PCED1B: variants seen among roughly 807,000 people sequenced by gnomAD.
The protein encoded by PCED1B is PC-esterase domain containing 1B, also known as PC-esterase domain-containing protein 1B.
For missense variants in PCED1B, 573 were observed against 573.9 expected, an observed-to-expected ratio of 1.00 and a Z score of 0.02; for synonymous variants, 251 against 246.1, an observed-to-expected ratio of 1.02 and a Z score of -0.19.
intron 1 of PCED1B, among the ~76,000 whole-genome samples, chr12:47,085,204 G>T (rs753804149): frequency 6.6e-6 from 1 of 152,214 alleles, no homozygotes; most frequent in Non-Finnish European, 1.5e-5. Flanking sequence ...AATTGAGGAT[G>T]TAACAATTGA....
intron 2 of PCED1B, among the ~76,000 whole-genome samples, chr12:47,162,435 G>C (rs1045942960): frequency 6.6e-6 from 1 of 152,082 alleles, no homozygotes; most frequent in Non-Finnish European, 1.5e-5. Flanking sequence ...TCACAGTTCT[G>C]CAGTGTGTAC....
Position 47,236,008 on chromosome 12 carries a change from C to T in PCED1B, c.945C>T (p.Leu315=), listed in dbSNP as rs1251663150. ...CCCAGCGCTTGCCGCTGCTCCCGCT[C>T]CTGTCCCCACAGCCTCCTCCTCCCA... is the stretch of plus-strand genomic sequence containing the variant. ...FPPQRLPLLP[L]LSPQPPPPIL... is the part of the protein sequence containing the mutation. Residue 315 remains leucine, a synonymous_variant, in exon 4 of 4, where the codon CTC becomes CTT. Transcript: ENST00000546455. The T allele has an allele frequency of 4.3e-6, 7 of 1,613,352 alleles. No homozygotes were observed. Among genetic ancestry groups the T allele is most frequent in the African/African-American group, 2.7e-5 (2 of 74,774 alleles).
chr12:47,090,401 A>G (rs987400788), intron 1 of PCED1B, among the ~76,000 whole-genome samples: 17 of 152,216 alleles, frequency 1.1e-4, no homozygotes, highest in African/African-American at 3.6e-4. Context: ...TCGAATGTGA[A>G]CTAAACAATT....
intron 2 of PCED1B, among the ~76,000 whole-genome samples, chr12:47,157,428 G>A (rs1457365733): frequency 1.3e-5 from 2 of 152,020 alleles, no homozygotes; most frequent in Non-Finnish European, 2.9e-5. Context: ...GTCTCTGTAA[G>A]AAACTTTAAA....
intron 1 of PCED1B, among the ~76,000 whole-genome samples, chr12:47,080,419 C>G (rs965887255): frequency 6.6e-6 from 1 of 152,188 alleles, no homozygotes; most frequent in Non-Finnish European, 1.5e-5. Context: ...GCTTTGCCTG[C>G]GCCAAGTGCA....
chr12:47,082,228 G>A (rs1937767901), intron 1 of PCED1B, among the ~76,000 whole-genome samples: 2 of 152,172 alleles, frequency 1.3e-5, no homozygotes, highest in South Asian at 2.1e-4. Context: ...GTGTATTGCT[G>A]TATTCTCAGC....
intron 2 of PCED1B, among the ~76,000 whole-genome samples, chr12:47,185,118 G>A (rs1261035373): frequency 6.6e-6 from 1 of 152,160 alleles, no homozygotes; most frequent in Non-Finnish European, 1.5e-5. Flanking sequence ...TGAAAGGCAG[G>A]AGCAAAAGGC....
At chr12:47,172,340 CTTTTTTTTTT>C (rs34230051) in intron 2 of PCED1B, among the ~76,000 whole-genome samples, 5 of 78,338 alleles carry the variant, frequency 6.4e-5, no homozygotes, top group Non-Finnish European at 1.2e-4. Flanking sequence ...TCGTGGGTTG[CTTTTTTTTTT>C]TTTTTTTTTT....
At chr12:47,233,462 G>T (rs1402958864) in intron 3 of PCED1B, among the ~76,000 whole-genome samples, 1 of 152,236 alleles carries the variant, frequency 6.6e-6, no homozygotes, top group East Asian at 1.9e-4. Context: ...GGCAGGGAGT[G>T]CACCGGAAAA....
chr12:47,094,526 A>AT (rs914277527), intron 1 of PCED1B, among the ~76,000 whole-genome samples: 1 of 149,704 alleles, frequency 6.7e-6, no homozygotes, highest in Non-Finnish European at 1.5e-5. Context: ...TCTTTCCTCT[A>AT]TTTTTTTAAT....
At chr12:47,162,200 A>G (rs1329240843) in intron 2 of PCED1B, among the ~76,000 whole-genome samples, 1 of 152,110 alleles carries the variant, frequency 6.6e-6, no homozygotes, top group East Asian at 1.9e-4. Flanking sequence ...AACATCGCAG[A>G]TGTATACATA....
Position 47,086,398 on chromosome 12 carries a change from A to G in PCED1B, c.-609+6673A>G, listed in dbSNP as rs910907543. ...AAAAAAAAAAAGGAAGTTACAGGAAAAAGAATCAAAGAATGAATGCCATTT... is the reference window on the plus strand; with the variant it reads ...AAAAAAAAAAAGGAAGTTACAGGAAGAAGAATCAAAGAATGAATGCCATTT... On this transcript the variant is annotated intron_variant, in intron 1 of 3. Transcript: ENST00000546455. 1.6e-4 allele frequency among the ~76,000 whole-genome samples: 25 copies of G among 151,782 alleles called. 1 individual carries two copies. The highest frequency in any genetic ancestry group is 5.8e-4 in the African/African-American group (24 of 41,346).
At chr12:47,099,194 G>A (rs1028343798) in intron 1 of PCED1B, among the ~76,000 whole-genome samples, 6 of 152,210 alleles carry the variant, frequency 3.9e-5, no homozygotes, top group Non-Finnish European at 7.3e-5. Context: ...TTTTAGAAGA[G>A]CACAGCAGTG....
At chr12:47,116,547 T>A (rs1939429803) in intron 2 of PCED1B, among the ~76,000 whole-genome samples, 1 of 152,220 alleles carries the variant, frequency 6.6e-6, no homozygotes, top group African/African-American at 2.4e-5. Flanking sequence ...TGAGTCTTTG[T>A]CATATACATT....
intron 2 of PCED1B, among the ~76,000 whole-genome samples, 180 bp downstream of exon 2, chr12:47,104,375 T>C (rs1024601326): frequency 6.6e-6 from 1 of 152,234 alleles, no homozygotes; most frequent in African/African-American, 2.4e-5. Context: ...ATTATATAAC[T>C]GGAATGATAA....
intron 2 of PCED1B, among the ~76,000 whole-genome samples, chr12:47,203,991 G>A (rs990627504): frequency 9.9e-5 from 15 of 151,968 alleles, no homozygotes; most frequent in African/African-American, 2.4e-4. Flanking sequence ...CCACAACCTC[G>A]CCAGCATCTG....
Position 47,191,331 on chromosome 12 carries a change from C to T in PCED1B, c.-525-24891C>T, listed in dbSNP as rs1038236239. The stretch of plus-strand genomic sequence containing the variant: ...ACTCCTTTATCTTCTGCCAGCTTTA[C>T]GACTCCATACATTTAATTCCTCAGA... On this transcript the variant is annotated intron_variant, in intron 2 of 3. Transcript: ENST00000546455. Among the ~76,000 whole-genome samples the T allele has an allele frequency of 3.9e-5, 6 of 152,282 alleles. No homozygotes were observed. In the East Asian group the frequency reaches 7.7e-4, roughly 20 times the overall value.
intron 2 of PCED1B, among the ~76,000 whole-genome samples, chr12:47,113,963 A>ACAC (rs1565755178): frequency 1.1e-5 from 1 of 88,020 alleles, no homozygotes; most frequent in Non-Finnish European, 2.5e-5. Context: ...AAAGAAAAAA[A>ACAC]AAACACACAC....
At chr12:47,202,508 C>G (rs1007393590) in intron 2 of PCED1B, among the ~76,000 whole-genome samples, 19 of 150,844 alleles carry the variant, frequency 1.3e-4, no homozygotes, top group African/African-American at 4.4e-4. Context: ...TGTCTTCTAC[C>G]CACAGCCCCA....
Sources: allele counts gnomAD v4.1 joint callset (sites outside exome capture counted in the v4.1 genomes callset), GRCh38; gene constraint gnomAD v4.1.1; transcripts MANE v1.5; gene names NCBI Gene and HGNC (gene_info 2026-07-23, HGNC 2026-07-21).